RGPD4: variants seen among roughly 807,000 people sequenced by gnomAD.
The protein encoded by RGPD4 is ranBP2-like and GRIP domain-containing protein 4.
In RGPD4, 84 loss-of-function variants were observed where a neutral mutation model predicts 141.1. That is an observed-to-expected ratio of 0.60 (90% confidence interval 0.50 to 0.71). The LOEUF (loss-of-function observed/expected upper bound fraction) is 0.71. RGPD4 is among the 30% of genes least tolerant of loss of function. The pLI, the probability that RGPD4 is intolerant of heterozygous loss-of-function variation, is 0.00. For synonymous variants in RGPD4, 298 were observed against 566.8 expected, an observed-to-expected ratio of 0.53 and a Z score of 6.74; for missense variants, 918 against 1,622.4, an observed-to-expected ratio of 0.57 and a Z score of 7.46.
At chr2:107,844,447 A>C (rs1291760537) in intron 6 of RGPD4, among the ~76,000 whole-genome samples, 1 of 152,234 alleles carries the variant, frequency 6.6e-6, no homozygotes, top group Non-Finnish European at 1.5e-5. Context: ...TGGTTGCAGC[A>C]GAGATTGTAT....
chr2:107,858,433 C>G (rs1682410608), intron 9 of RGPD4, among the ~76,000 whole-genome samples: 1 of 151,576 alleles, frequency 6.6e-6, no homozygotes, highest in African/African-American at 2.4e-5. Flanking sequence ...CTTTTCTTTT[C>G]TTTTCTTTTC....
chr2:107,829,550 C>T (rs1270229655), intron 1 of RGPD4, among the ~76,000 whole-genome samples: 46 of 132,940 alleles, frequency 3.5e-4, no homozygotes, highest in Admixed American at 1.4e-3. Context: ...TCGACCTGGC[C>T]CGGCGGCGGC....
rs763030095 is a variant in RGPD4, at chr2:107,872,705, G to A, written c.4701G>A (p.Gly1567=). ...CATTTGGCAACAGTTCTGCCACTGG[G>A]TCTTTGTTTGGATTTAGTTTTAATG... ...PFAFGNSSAT[G]SLFGFSFNAS... The change falls in exon 20 of 23, where the codon GGG becomes GGA. Residue 1567 remains glycine, a synonymous_variant. Coordinates refer to ENST00000408999, the MANE Select transcript of RGPD4 (RefSeq NM_182588.3). 1 of 1,611,452 alleles carries A rather than the reference G, an allele frequency of 6.2e-7. No individual in the cohort carries two copies. The highest frequency in any genetic ancestry group is 1.3e-5 in the African/African-American group (1 of 74,514).
chr2:107,887,435 G>T (rs1675546575), intron 22 of RGPD4, among the ~76,000 whole-genome samples: 1 of 152,036 alleles, frequency 6.6e-6, no homozygotes, highest in Admixed American at 6.6e-5. Context: ...TTATGATGTT[G>T]GCTGTGAGTT....
At chr2:107,867,336 T>A (rs1682762965) in intron 18 of RGPD4, among the ~76,000 whole-genome samples, 1 of 152,198 alleles carries the variant, frequency 6.6e-6, no homozygotes, top group Non-Finnish European at 1.5e-5. Context: ...TGAGCACATT[T>A]GTGTGATGGT....
rs1257304089 is a variant in RGPD4, at chr2:107,831,412, C to G, written c.72+4327C>G. ...ATAAATGATCCTCCTACCTCTGTTT[C>G]CTGAGTACTTAGGACTACAGGCAGG... On this transcript the variant is annotated intron_variant, in intron 1 of 22. Coordinates refer to ENST00000408999, the MANE Select transcript of RGPD4 (RefSeq NM_182588.3). Among the ~76,000 whole-genome samples the G allele has an allele frequency of 1.2e-3, 178 of 145,304 alleles. 2 individuals carry two copies. The highest frequency in any genetic ancestry group is 3.6e-3 in the Middle Eastern group (1 of 280).
chr2:107,859,948 T>C, intron 12 of RGPD4, 103 bp downstream of exon 12: 1 of 1,340,120 alleles, frequency 7.5e-7, no homozygotes, highest in Non-Finnish European at 1.0e-6. Context: ...AGCAGCTTTG[T>C]CATATTATGA....
intron 22 of RGPD4, among the ~76,000 whole-genome samples, chr2:107,887,069 C>T (rs1346569048): frequency 1.4e-5 from 2 of 147,160 alleles, no homozygotes; most frequent in South Asian, 4.5e-4. Context: ...ATGGCGAGAC[C>T]CTATGTCTAC....
At chr2:107,844,443 C>T (rs1480995705) in intron 6 of RGPD4, among the ~76,000 whole-genome samples, 1 of 152,230 alleles carries the variant, frequency 6.6e-6, no homozygotes, top group Non-Finnish European at 1.5e-5. Flanking sequence ...TGAGTGGTTG[C>T]AGCAGAGATT....
At chr2:107,881,464 C>T (rs565348513) in intron 21 of RGPD4, among the ~76,000 whole-genome samples, 57 of 151,920 alleles carry the variant, frequency 3.8e-4, no homozygotes, top group African/African-American at 7.8e-4. Context: ...ACTGCAGGCA[C>T]GCACCACCAT....
At chr2:107,884,636 C>CTA (rs1675461550) in intron 22 of RGPD4, among the ~76,000 whole-genome samples, 1 of 144,146 alleles carries the variant, frequency 6.9e-6, no homozygotes, top group Non-Finnish European at 1.5e-5. Context: ...TCTAAGACAT[C>CTA]AGGAGGCCCA....
At chr2:107,876,479 T>C (rs1191880802) in intron 20 of RGPD4, among the ~76,000 whole-genome samples, 1 of 151,624 alleles carries the variant, frequency 6.6e-6, no homozygotes, top group Non-Finnish European at 1.5e-5. Flanking sequence ...ATAGAAACAT[T>C]AGCTAGAGCA....
intron 6 of RGPD4, among the ~76,000 whole-genome samples, chr2:107,845,200 C>T (rs1681880472): frequency 8.9e-6 from 1 of 112,618 alleles, no homozygotes; most frequent in Admixed American, 1.2e-4. Flanking sequence ...GACACCACAC[C>T]TGGCTAATTT....
chr2:107,890,575 A>AAAC (rs1675628083), intron 22 of RGPD4, 146 bp from the exon 23 acceptor site: 5 of 53,358 alleles, frequency 9.4e-5, no homozygotes, highest in African/African-American at 3.7e-4. Flanking sequence ...AAAAAAAAAG[A>AAAC]ACCCCCCCCC....
chr2:107,873,679 C>T (rs1336300089), intron 20 of RGPD4, among the ~76,000 whole-genome samples: 2 of 151,232 alleles, frequency 1.3e-5, no homozygotes, highest in Non-Finnish European at 2.9e-5. Flanking sequence ...AATGAAACTA[C>T]AGGGATAAAT....
chr2:107,881,878 C>T (rs1480158433), intron 21 of RGPD4, among the ~76,000 whole-genome samples: 1 of 151,582 alleles, frequency 6.6e-6, no homozygotes, highest in East Asian at 1.9e-4. Context: ...CCTGAATTTT[C>T]ACTGTGTCTG....
intron 1 of RGPD4, among the ~76,000 whole-genome samples, chr2:107,829,806 C>G (rs540053906): frequency 1.3e-5 from 2 of 152,196 alleles, no homozygotes; most frequent in Admixed American, 6.5e-5. Context: ...CTTTCTGGCC[C>G]CGTAGTACCC....
Position 107,829,366 on chromosome 2 carries a change from T to C in RGPD4, c.72+2281T>C, listed in dbSNP as rs76997924. 2.2e-3 allele frequency among the ~76,000 whole-genome samples: 51 copies of C among 23,192 alleles called. 2 individuals are homozygous for C. Among genetic ancestry groups the C allele is most frequent in the African/African-American group, 0.012 (45 of 3,876 alleles). 15.2% of individuals were successfully genotyped at this position (23,192 alleles called of 152,430 possible). A position where few individuals can be genotyped will look rare whatever the true frequency, so the allele number is the denominator to read the frequency against. ...CTCTGTTGAGGCGGCGGCCTCTACC[T>C]GGCCCGGCGGCGGCCTCGATGGCTC... On this transcript the variant is annotated intron_variant, in intron 1 of 22. Coordinates refer to ENST00000408999, the MANE Select transcript of RGPD4 (RefSeq NM_182588.3).
chr2:107,882,304 G>A (rs892803943), intron 21 of RGPD4, among the ~76,000 whole-genome samples: 1 of 150,262 alleles, frequency 6.7e-6, no homozygotes, highest in African/African-American at 2.4e-5. Flanking sequence ...TTCTCCTCTT[G>A]TATTAGCTTG....
Sources: allele counts gnomAD v4.1 joint callset (sites outside exome capture counted in the v4.1 genomes callset), GRCh38; gene constraint gnomAD v4.1.1; transcripts MANE v1.5; gene names NCBI Gene and HGNC (gene_info 2026-07-23, HGNC 2026-07-21).